Variants in RAB38 observed in about 807,000 individuals in gnomAD.
RAB38 encodes the protein RAB38, member RAS oncogene family.
Under a neutral mutation model 18.4 loss-of-function variants are expected in RAB38, and 15 were observed. The observed-to-expected ratio is 0.82, with a 90% CI of 0.55 to 1.26. The LOEUF (loss-of-function observed/expected upper bound fraction) is 1.26, where lower values mean the gene tolerates loss of function less well. Among genes scored for constraint, RAB38 ranks in the 50% most tolerant of loss-of-function variants. RAB38 has a pLI of 0.00. For missense variants in RAB38, 294 were observed against 267.4 expected (o/e 1.10, Z -0.69); for synonymous variants, 101 against 104.4 (o/e 0.97, Z 0.20).
At chr11:87,967,520 T>A in the RAB38 span, among the ~76,000 whole-genome samples, 18 of 152,272 alleles carry the variant, frequency 1.2e-4, no homozygotes, top group Non-Finnish European at 1.5e-4. Context: ...TCTGCTTACA[T>A]GAAGGAGATA....
the RAB38 span, among the ~76,000 whole-genome samples, chr11:87,831,197 A>G: frequency 9.8e-5 from 15 of 152,296 alleles, no homozygotes; most frequent in East Asian, 1.9e-3. Flanking sequence ...CAGACGCCAG[A>G]GCTTAACTGC....
At chr11:87,871,629 A>G in the RAB38 span, among the ~76,000 whole-genome samples, 3 of 151,606 alleles carry the variant, frequency 2.0e-5, no homozygotes, top group Admixed American at 6.6e-5. Flanking sequence ...TTTCCACAAA[A>G]TATAATGGAA....
At chr11:88,040,321 G>T in the RAB38 span, among the ~76,000 whole-genome samples, 1 of 152,090 alleles carries the variant, frequency 6.6e-6, no homozygotes, top group Non-Finnish European at 1.5e-5. Context: ...GGCCTCTGCA[G>T]ATATCTGTGT....
the RAB38 span, among the ~76,000 whole-genome samples, chr11:87,841,369 A>C: frequency 6.6e-6 from 1 of 152,176 alleles, no homozygotes; most frequent in African/African-American, 2.4e-5. Context: ...TCCTGCTGAC[A>C]TGTGAAGAAG....
the RAB38 span, among the ~76,000 whole-genome samples, chr11:87,924,483 G>C: frequency 6.6e-6 from 1 of 151,530 alleles, no homozygotes; most frequent in Admixed American, 6.6e-5. Context: ...ATTAACTGGT[G>C]ACCTTTTTTC....
chr11:88,087,966 A>T, the RAB38 span, among the ~76,000 whole-genome samples: 2 of 151,870 alleles, frequency 1.3e-5, no homozygotes, highest in African/African-American at 4.8e-5. Context: ...ATATTACAGG[A>T]GCTGAAAAAG....
chr11:88,107,929 T>C, the RAB38 span, among the ~76,000 whole-genome samples: 4 of 152,282 alleles, frequency 2.6e-5, no homozygotes, highest in South Asian at 8.3e-4. Flanking sequence ...TTGTGCAATT[T>C]TGAGTGAGTT....
At chr11:88,028,096 G>A in the RAB38 span, among the ~76,000 whole-genome samples, 3,294 of 152,212 alleles carry the variant, frequency 0.022, 106 homozygotes, top group African/African-American at 0.074. Context: ...TGCAGACACC[G>A]CTGCTGATAC....
chr11:87,873,165 A>T, the RAB38 span, among the ~76,000 whole-genome samples: 121 of 151,464 alleles, frequency 8.0e-4, 1 homozygote, highest in African/African-American at 2.8e-3. Flanking sequence ...ATAATATCTC[A>T]TGGTTGTGTC....
the RAB38 span, among the ~76,000 whole-genome samples, chr11:87,907,009 A>G: frequency 1.3e-5 from 2 of 151,910 alleles, no homozygotes; most frequent in African/African-American, 2.4e-5. Context: ...GCTTTTATTA[A>G]TAAGGCTGTA....
chr11:88,136,413 G>A (rs1942835099), intron 2 of RAB38, among the ~76,000 whole-genome samples: 1 of 152,142 alleles, frequency 6.6e-6, no homozygotes, highest in African/African-American at 2.4e-5. Context: ...CCACAAAACA[G>A]AGGTCAGACA....
At chr11:87,870,796 C>A in the RAB38 span, among the ~76,000 whole-genome samples, 1 of 151,554 alleles carries the variant, frequency 6.6e-6, no homozygotes, top group East Asian at 2.0e-4. Context: ...ACAACCTTAT[C>A]ATCATATGGG....
downstream of RAB38, among the ~76,000 whole-genome samples, chr11:88,110,566 C>T (rs1050255328): frequency 2.0e-5 from 3 of 152,070 alleles, no homozygotes; most frequent in African/African-American, 4.8e-5. Context: ...CTTCTGTAAT[C>T]CCAGCACGTT....
chr11:88,093,285 T>C, the RAB38 span, among the ~76,000 whole-genome samples: 819 of 152,044 alleles, frequency 5.4e-3, 5 homozygotes, highest in African/African-American at 0.019. Flanking sequence ...ATAAACATTA[T>C]ATTTTGATTT....
At chr11:88,053,340 GGA>G in the RAB38 span, among the ~76,000 whole-genome samples, 11 of 41,068 alleles carry the variant, frequency 2.7e-4, 1 homozygote, top group Admixed American at 6.0e-4. Flanking sequence ...ACATATATAT[GGA>G]ATATATATAT....
At position 88,149,829 on chromosome 11, in the gene RAB38, G is replaced by C; in HGVS notation, c.329C>G (p.Ser110Cys). Reference sequence around the variant, plus strand: ...TTTGCCATTAGGGAGACTTAACTTGGAGTCCAAATCATTTTTCCACTTTGC... The same window carrying C: ...TTTGCCATTAGGGAGACTTAACTTGCAGTCCAAATCATTTTTCCACTTTGC... ...AVAKWKNDLD[S>C]KLSLPNGKPV... is the part of the protein sequence containing the mutation. The change falls in exon 2 of 3, where the codon TCC becomes TGC. Residue 110 changes from serine (S) to cysteine (C), a missense_variant. Coordinates refer to ENST00000243662, the MANE Select transcript of RAB38 (RefSeq NM_022337.3). The C allele has an allele frequency of 6.2e-7, 1 of 1,613,996 alleles. No individual in the cohort carries two copies. The highest frequency in any genetic ancestry group is 8.5e-7 in the Non-Finnish European group (1 of 1,179,996).
the RAB38 span, among the ~76,000 whole-genome samples, chr11:87,939,737 T>C: frequency 2.6e-5 from 4 of 151,428 alleles, no homozygotes; most frequent in African/African-American, 9.7e-5. Flanking sequence ...AAAAGAAATA[T>C]CAAAATTAGT....
At chr11:87,969,560 T>G in the RAB38 span, among the ~76,000 whole-genome samples, 1 of 152,124 alleles carries the variant, frequency 6.6e-6, no homozygotes, top group Non-Finnish European at 1.5e-5. Context: ...CTACTATTAT[T>G]CAATTATCAA....
chr11:87,900,959 A>G, the RAB38 span, among the ~76,000 whole-genome samples: 1 of 151,578 alleles, frequency 6.6e-6, no homozygotes, highest in Non-Finnish European at 1.5e-5. Context: ...TGTTTATTCC[A>G]ATCCAAAGTC....
Sources: allele counts gnomAD v4.1 joint callset (sites outside exome capture counted in the v4.1 genomes callset), GRCh38; gene constraint gnomAD v4.1.1; transcripts MANE v1.5; gene names NCBI Gene and HGNC (gene_info 2026-07-23, HGNC 2026-07-21).